Variants in DNAJC6 observed in about 807,000 individuals in gnomAD.
DNAJC6 encodes the protein DnaJ heat shock protein family (Hsp40) member C6.
DNAJC6 carries 34 observed loss-of-function variants against 110.0 expected under a neutral mutation model. The observed-to-expected ratio is 0.31, with a 90% confidence interval of 0.24 to 0.41. The LOEUF (loss-of-function observed/expected upper bound fraction) is 0.41, where lower values mean the gene tolerates loss of function less well. Ranked by LOEUF, DNAJC6 falls within the 10% of genes least tolerant of loss-of-function variation. The pLI is 1.00. For synonymous variants in DNAJC6, 406 were observed against 437.2 expected, an observed-to-expected ratio of 0.93 and a Z score of 0.89; for missense variants, 1,031 against 1,207.8, an observed-to-expected ratio of 0.85 and a Z score of 2.17.
intron 1 of DNAJC6, 132 bp from the exon 2 acceptor site, chr1:65,364,503 A>C: frequency 3.6e-6 from 4 of 1,114,926 alleles, no homozygotes; most frequent in Non-Finnish European, 4.9e-6. Context: ...AGTGGGACAC[A>C]ATTTCCAGGA....
Position 65,415,362 on chromosome 1 carries a change from G to A in DNAJC6, c.*2337G>A, listed in dbSNP as rs1646161226. On this transcript the variant is annotated 3_prime_UTR_variant, in exon 19 of 19. Coordinates refer to ENST00000371069, the MANE Select transcript of DNAJC6 (RefSeq NM_001256864.2). ...CCTTCTGACATGATTTACTTTTAAGGAAAGTTATGAGGAGAGAATACAAAA... is the reference window on the plus strand; with the variant it reads ...CCTTCTGACATGATTTACTTTTAAGAAAAGTTATGAGGAGAGAATACAAAA... 2 of 151,622 alleles carry A rather than the reference G, an allele frequency of 1.3e-5. No individual in the cohort carries two copies. Among genetic ancestry groups the A allele is most frequent in the South Asian group, 4.2e-4 (2 of 4,798 alleles). The allele number at this position is 151,622 out of a possible 1,614,324, so 9.4% of individuals were successfully genotyped here. A position where few individuals can be genotyped will look rare whatever the true frequency, so the allele number is the denominator to read the frequency against.
chr1:65,294,975 C>T (rs1293290324), intron 1 of DNAJC6, among the ~76,000 whole-genome samples: 1 of 152,104 alleles, frequency 6.6e-6, no homozygotes, highest in East Asian at 1.9e-4. Context: ...ATAATGTAAG[C>T]TTTTATTTAG....
intron 13 of DNAJC6, among the ~76,000 whole-genome samples, chr1:65,397,601 T>G (rs1645991695): frequency 6.6e-6 from 1 of 152,152 alleles, no homozygotes; most frequent in South Asian, 2.1e-4. Flanking sequence ...TAAGGGTTTG[T>G]GGGTTTGATT....
In DNAJC6 at chr1:65,265,972, G is replaced by A. The variant is rs778789281; in HGVS notation, c.-131+1040G>A. On this transcript the variant is annotated intron_variant, in intron 1 of 19. Coordinates refer to the DNAJC6 transcript ENST00000263441. ...TGCGAGCCGCTGCGCAGCAGTCTGC[G>A]CTTCGAGTGCGCTGTGTTTTAAGGA... is the stretch of plus-strand genomic sequence containing the variant. 1.6e-4 allele frequency among the ~76,000 whole-genome samples: 25 copies of A among 152,376 alleles called. No homozygotes were observed. The East Asian group carries it at 3.5e-3, about 21-fold the overall frequency.
intron 12 of DNAJC6, 59 bp from the exon 13 acceptor site, chr1:65,394,838 TG>T (rs2101617913): frequency 1.3e-6 from 2 of 1,514,420 alleles, no homozygotes; most frequent in Admixed American, 2.2e-5. Context: ...GTGACAATTC[TG>T]TGACATTTAG....
chr1:65,366,282 T>C (rs1645645924), intron 4 of DNAJC6, 86 bp downstream of exon 4: 1 of 1,443,964 alleles, frequency 6.9e-7, no homozygotes, highest in Non-Finnish European at 9.5e-7. Context: ...CACGTGCCCT[T>C]AGGCATCTGA....
chr1:65,291,247 G>A (rs1229413017), intron 1 of DNAJC6, among the ~76,000 whole-genome samples: 1 of 152,112 alleles, frequency 6.6e-6, no homozygotes, highest in Non-Finnish European at 1.5e-5. Flanking sequence ...TGACCAGGCT[G>A]GTCTCGAACT....
intron 1 of DNAJC6, among the ~76,000 whole-genome samples, chr1:65,270,609 A>G (rs1490409071): frequency 1.3e-5 from 2 of 152,188 alleles, no homozygotes; most frequent in Non-Finnish European, 2.9e-5. Context: ...ATAAATCTCT[A>G]AAAGTGATGT....
intron 1 of DNAJC6, among the ~76,000 whole-genome samples, chr1:65,271,248 T>C (rs1022340569): frequency 6.6e-6 from 1 of 152,208 alleles, no homozygotes; most frequent in Non-Finnish European, 1.5e-5. Context: ...CAAATATTTA[T>C]CATTTCTTTG....
chr1:65,402,733 T>C (rs897647782), intron 15 of DNAJC6, among the ~76,000 whole-genome samples: 2 of 152,240 alleles, frequency 1.3e-5, no homozygotes, highest in Non-Finnish European at 2.9e-5. Flanking sequence ...AATGTGAGCC[T>C]GGCTACCGTT....
At chr1:65,322,114 G>A (rs754767935) in intron 1 of DNAJC6, among the ~76,000 whole-genome samples, 2 of 152,096 alleles carry the variant, frequency 1.3e-5, no homozygotes, top group African/African-American at 2.4e-5. Flanking sequence ...ACACTGTCTC[G>A]TTTTGTGAGC....
chr1:65,376,608 T>C lies in DNAJC6; in HGVS notation c.544-2794T>C, dbSNP rs115390626. Reference sequence around the variant, plus strand: ...CCATTTTAATTTGTTTCAAGAAATTTTTAAATTTCCTTCCTAATTTCTTCA... The same window carrying C: ...CCATTTTAATTTGTTTCAAGAAATTCTTAAATTTCCTTCCTAATTTCTTCA... On this transcript the variant is annotated intron_variant, in intron 4 of 18. Coordinates refer to ENST00000371069, the MANE Select transcript of DNAJC6 (RefSeq NM_001256864.2). Among the ~76,000 whole-genome samples the C allele has an allele frequency of 1.0e-3, 154 of 151,918 alleles. 2 individuals are homozygous for C. Among genetic ancestry groups the C allele is most frequent in the Non-Finnish European group, 1.8e-3 (119 of 67,912 alleles).
chr1:65,285,318 A>G (rs1416483970), intron 1 of DNAJC6, among the ~76,000 whole-genome samples: 2 of 152,034 alleles, frequency 1.3e-5, no homozygotes, highest in East Asian at 1.9e-4. Context: ...TGCTCAGACC[A>G]TGTTCTTTTT....
intron 11 of DNAJC6, among the ~76,000 whole-genome samples, chr1:65,391,349 T>C (rs1046959509): frequency 6.6e-6 from 1 of 152,186 alleles, no homozygotes; most frequent in Non-Finnish European, 1.5e-5. Context: ...TGACTTGGAA[T>C]GTGGGTCTAT....
At chr1:65,295,810 AT>A (rs556681301) in intron 1 of DNAJC6, among the ~76,000 whole-genome samples, 2 of 152,092 alleles carry the variant, frequency 1.3e-5, no homozygotes, top group Non-Finnish European at 2.9e-5. Flanking sequence ...GGTCTTTGCT[AT>A]TTTTTTCCTC....
chr1:65,353,761 A>G (rs957788466), intron 1 of DNAJC6, among the ~76,000 whole-genome samples: 5 of 152,090 alleles, frequency 3.3e-5, no homozygotes, highest in African/African-American at 1.2e-4. Flanking sequence ...CCCATCAAAT[A>G]TTAGCCTTCT....
intron 17 of DNAJC6, among the ~76,000 whole-genome samples, chr1:65,409,953 A>C (rs1646113310): frequency 6.6e-6 from 1 of 152,218 alleles, no homozygotes; most frequent in African/African-American, 2.4e-5. Flanking sequence ...AAAAAACCAC[A>C]TAACTTCATA....
intron 1 of DNAJC6, among the ~76,000 whole-genome samples, chr1:65,295,599 C>T (rs987314221): frequency 5.3e-5 from 8 of 152,122 alleles, no homozygotes; most frequent in Admixed American, 3.9e-4. Flanking sequence ...TTAATATGTA[C>T]AGCCAATCAG....
At chr1:65,395,104 A>G (rs1557560600) in intron 13 of DNAJC6, 72 bp downstream of exon 13, 1 of 1,436,768 alleles carries the variant, frequency 7.0e-7, no homozygotes, top group African/African-American at 1.5e-5. Context: ...GCTCATATAT[A>G]AAAGCACCCT....
Sources: allele counts gnomAD v4.1 joint callset (sites outside exome capture counted in the v4.1 genomes callset), GRCh38; gene constraint gnomAD v4.1.1; transcripts MANE v1.5; gene names NCBI Gene and HGNC (gene_info 2026-07-23, HGNC 2026-07-21).